EDIL3: variants seen among roughly 807,000 people sequenced by gnomAD.
EDIL3 encodes the protein EGF like and discoidin domains 3.
EDIL3 carries 37 observed loss-of-function variants against 67.4 expected under a neutral mutation model. That is an observed-to-expected ratio of 0.55 (90% CI 0.42 to 0.72). The LOEUF (loss-of-function observed/expected upper bound fraction) is 0.72, where lower values mean the gene tolerates loss of function less well. EDIL3 is among the 30% of genes least tolerant of loss of function. The probability of loss-of-function intolerance (pLI) is 0.00; values close to 1 mark genes in which losing one functional copy is unlikely to be tolerated. For missense variants in EDIL3, 527 were observed against 586.3 expected, an observed-to-expected ratio of 0.90 and a Z score of 1.04; for synonymous variants, 195 against 196.3, an observed-to-expected ratio of 0.99 and a Z score of 0.05.
At chr5:84,298,181 G>A (rs565647774) in intron 1 of EDIL3, among the ~76,000 whole-genome samples, 9 of 152,152 alleles carry the variant, frequency 5.9e-5, no homozygotes, top group South Asian at 2.1e-4. Context: ...ACATGCACGC[G>A]TGTATTCCTT....
intron 9 of EDIL3, among the ~76,000 whole-genome samples, chr5:83,968,311 A>C (rs1410781386): frequency 6.6e-6 from 1 of 152,106 alleles, no homozygotes; most frequent in Non-Finnish European, 1.5e-5. Flanking sequence ...TTAAGGCCAG[A>C]TAACATAAGC....
chr5:84,269,761 C>T lies in EDIL3; in HGVS notation c.68-15549G>A, dbSNP rs191792933. Among the ~76,000 whole-genome samples, 6 of 152,238 alleles carry T rather than the reference C, an allele frequency of 3.9e-5. No individual in the cohort carries two copies. The East Asian group carries it at 9.7e-4, about 24-fold the overall frequency. Reference sequence around the variant, plus strand: ...TCCCCAAAGTTAATGCAACTGTTGGCAATTTTCCCAGACCTAGGGTTAGGA... The same window carrying T: ...TCCCCAAAGTTAATGCAACTGTTGGTAATTTTCCCAGACCTAGGGTTAGGA... On this transcript the variant is annotated intron_variant, in intron 1 of 10. Transcript: ENST00000296591.
rs373427567 is a variant in EDIL3, at chr5:84,229,857, G to A, written c.224C>T (p.Ala75Val). ...VASDEEEPTS[A>V]GPCTPNPCHN... ...TGTTTACAACATAGGAACTTTACCT[G>A]CTGAAGTTGGTTCTTCTTCATCTGA... Residue 75 changes from alanine to valine, a missense_variant and splice_region_variant, in exon 3 of 11, where the codon GCA becomes GTA. Ala to Val is a moderately conservative substitution (Grantham distance 64, BLOSUM62 0). Coordinates refer to ENST00000296591, the MANE Select transcript of EDIL3 (RefSeq NM_005711.5). The A allele has an allele frequency of 4.1e-4, 660 of 1,603,966 alleles. 9 individuals carry two copies. The South Asian group carries it at 5.7e-3, about 14-fold the overall frequency.
chr5:84,275,074 C>T (rs1488749700), intron 1 of EDIL3, among the ~76,000 whole-genome samples: 6 of 152,182 alleles, frequency 3.9e-5, no homozygotes, highest in Non-Finnish European at 8.8e-5. Flanking sequence ...ACAAGTCACA[C>T]AGCCAGGTGG....
chr5:83,949,509 T>C (rs1456574307), intron 10 of EDIL3, among the ~76,000 whole-genome samples: 1 of 151,878 alleles, frequency 6.6e-6, no homozygotes, highest in Non-Finnish European at 1.5e-5. Context: ...GACAATCACT[T>C]TATTTTTCTG....
chr5:84,298,969 C>T (rs557421733), intron 1 of EDIL3, among the ~76,000 whole-genome samples: 8 of 152,240 alleles, frequency 5.3e-5, no homozygotes, highest in East Asian at 1.9e-4. Flanking sequence ...GCCTCATTTG[C>T]GAGCTGCTTA....
rs950788624 is a variant in EDIL3 at position 83,942,740 on chromosome 5, C to T, written c.*679G>A. 8 of 151,546 alleles carry T rather than the reference C, an allele frequency of 5.3e-5. No individual in the cohort carries two copies. The highest frequency in any genetic ancestry group is 1.2e-4 in the Non-Finnish European group (8 of 67,878). 9.4% of individuals were successfully genotyped at this position (151,546 alleles called of 1,614,324 possible). A position where few individuals can be genotyped will look rare whatever the true frequency, so the allele number is the denominator to read the frequency against. ...GAGTAAACATGACACTTCTTTTAGT[C>T]AACTAATAGGAAATTCAATTAGAAA... On this transcript the variant is annotated 3_prime_UTR_variant, in exon 11 of 11. Transcript: ENST00000296591.
intron 1 of EDIL3, among the ~76,000 whole-genome samples, chr5:84,275,021 C>A (rs1012337538): frequency 2.0e-5 from 3 of 152,046 alleles, no homozygotes; most frequent in African/African-American, 7.2e-5. Context: ...TTCATGAATT[C>A]TTTGCTCTTT....
At chr5:84,365,774 T>C (rs1424894574) in intron 1 of EDIL3, among the ~76,000 whole-genome samples, 1 of 152,144 alleles carries the variant, frequency 6.6e-6, no homozygotes, top group Non-Finnish European at 1.5e-5. Flanking sequence ...CAGAATAACT[T>C]TCCCCTTTTA....
intron 9 of EDIL3, among the ~76,000 whole-genome samples, chr5:84,028,815 T>G (rs566152329): frequency 1.3e-5 from 2 of 152,282 alleles, no homozygotes; most frequent in East Asian, 3.9e-4. Flanking sequence ...CAAACTTGAA[T>G]AAGATTCATG....
intron 10 of EDIL3, among the ~76,000 whole-genome samples, chr5:83,961,586 G>C: frequency 6.6e-6 from 1 of 150,890 alleles, no homozygotes; most frequent in East Asian, 1.9e-4. Context: ...TATAATAGAC[G>C]TGCTGTTTAC....
intron 9 of EDIL3, among the ~76,000 whole-genome samples, chr5:84,014,543 G>T (rs1745567107): frequency 2.0e-5 from 3 of 152,102 alleles, no homozygotes; most frequent in African/African-American, 7.2e-5. Context: ...TACTTGGGAG[G>T]CTGAGGCAGA....
intron 3 of EDIL3, among the ~76,000 whole-genome samples, chr5:84,228,647 TA>T (rs1744499124): frequency 6.6e-6 from 1 of 152,194 alleles, no homozygotes; most frequent in South Asian, 2.1e-4. Flanking sequence ...TTTATAGTTA[TA>T]ATGAGTATCA....
intron 1 of EDIL3, among the ~76,000 whole-genome samples, chr5:84,328,080 T>G (rs1287074091): frequency 6.6e-6 from 1 of 152,040 alleles, no homozygotes; most frequent in Non-Finnish European, 1.5e-5. Flanking sequence ...GAAGTTACAT[T>G]TTCTTTTGCT....
At chr5:84,061,583 A>AT (rs1423465649) in intron 8 of EDIL3, among the ~76,000 whole-genome samples, 3 of 152,062 alleles carry the variant, frequency 2.0e-5, no homozygotes, top group African/African-American at 7.2e-5. Flanking sequence ...ACTGTCTCCC[A>AT]TTTCCCAGCT....
chr5:84,370,037 C>G (rs1448149224), intron 1 of EDIL3, among the ~76,000 whole-genome samples: 6 of 152,164 alleles, frequency 3.9e-5, no homozygotes, highest in African/African-American at 1.4e-4. Flanking sequence ...AACACATAAA[C>G]AGGAGCAAAG....
At chr5:84,113,138 C>T (rs925847669) in intron 5 of EDIL3, among the ~76,000 whole-genome samples, 1 of 152,120 alleles carries the variant, frequency 6.6e-6, no homozygotes, top group Non-Finnish European at 1.5e-5. Flanking sequence ...CCATTGTTAC[C>T]TCTAGAGAGG....
chr5:84,106,783 G>T lies in EDIL3; in HGVS notation c.517C>A (p.Gln173Lys). 6.2e-7 allele frequency: 1 copy of T among 1,612,750 alleles called. No homozygotes were observed. The highest frequency in any genetic ancestry group is 2.2e-5 in the East Asian group (1 of 44,838). Reference sequence around the variant, plus strand: ...CGGTGAGTAGAGGAAGCTGTGATTTGCTGGTTTGATATAATTCCACCTTCA... The same window carrying T: ...CGGTGAGTAGAGGAAGCTGTGATTTTCTGGTTTGATATAATTCCACCTTCA... ...GIEGGIISNQ[Q>K]ITASSTHRAL... is the part of the protein sequence containing the mutation. The change falls in exon 6 of 11, where the codon CAA (glutamine) becomes AAA (lysine). Residue 173 changes from glutamine (Q) to lysine (K), a missense_variant. This residue lies in a region of EDIL3 where 494 missense variants were observed against 522.5 expected (regional missense o/e 0.95). Coordinates refer to ENST00000296591, the MANE Select transcript of EDIL3 (RefSeq NM_005711.5).
At chr5:84,102,951 C>A (rs912784381) in intron 6 of EDIL3, among the ~76,000 whole-genome samples, 1 of 152,052 alleles carries the variant, frequency 6.6e-6, no homozygotes, top group Non-Finnish European at 1.5e-5. Context: ...TATCACATTA[C>A]CTGACTTCAA....
Sources: allele counts gnomAD v4.1 joint callset (sites outside exome capture counted in the v4.1 genomes callset), GRCh38; gene constraint gnomAD v4.1.1; regional missense constraint gnomAD v4.1.1; transcripts MANE v1.5; gene names NCBI Gene and HGNC (gene_info 2026-07-23, HGNC 2026-07-21).